The following KIF1B variants were observed in gnomAD, a reference collection of about 807,000 sequenced individuals.
KIF1B encodes the protein kinesin-like protein KIF1B.
Under a neutral mutation model 241.9 loss-of-function variants are expected in KIF1B, and 76 were observed. That is an observed-to-expected ratio of 0.31 (90% CI 0.26 to 0.38). The LOEUF (loss-of-function observed/expected upper bound fraction) is 0.38, where lower values mean the gene tolerates loss of function less well. KIF1B is among the 10% of genes least tolerant of loss of function. KIF1B has a pLI of 1.00. For missense variants in KIF1B, 1,622 were observed against 2,271.4 expected (o/e 0.71, Z 5.81); for synonymous variants, 750 against 796.7 (o/e 0.94, Z 0.99).
At chr1:10,366,646 G>A (rs1638582684) in intron 43 of KIF1B, among the ~76,000 whole-genome samples, 1 of 152,166 alleles carries the variant, frequency 6.6e-6, no homozygotes, top group South Asian at 2.1e-4. Flanking sequence ...ATGGGAGCAA[G>A]GCAGAAATAT....
chr1:10,226,136 A>G (rs943642640), intron 1 of KIF1B, among the ~76,000 whole-genome samples: 20 of 152,204 alleles, frequency 1.3e-4, no homozygotes, highest in Middle Eastern at 3.2e-3. Flanking sequence ...GGTGGTAGAA[A>G]TGGAGAGATT....
At chr1:10,242,515 T>G (rs1215559592) in intron 2 of KIF1B, among the ~76,000 whole-genome samples, 17 of 152,150 alleles carry the variant, frequency 1.1e-4, no homozygotes, top group Admixed American at 1.1e-3. Context: ...AATACGATAT[T>G]ATTAATATAA....
chr1:10,259,488 A>C (rs2102188703), intron 4 of KIF1B, among the ~76,000 whole-genome samples: 1 of 144,230 alleles, frequency 6.9e-6, no homozygotes, highest in East Asian at 2.0e-4. Flanking sequence ...CTCATTTTTA[A>C]ATTAAAAAAA....
intron 11 of KIF1B, among the ~76,000 whole-genome samples, chr1:10,275,990 C>G (rs1315269034): frequency 1.3e-5 from 2 of 151,606 alleles, no homozygotes; most frequent in African/African-American, 4.8e-5. Context: ...ACTGCAGCCT[C>G]CGCCTCCTGG....
chr1:10,293,047 C>T (rs1650081942), intron 17 of KIF1B, among the ~76,000 whole-genome samples: 1 of 148,746 alleles, frequency 6.7e-6, no homozygotes, highest in Admixed American at 6.7e-5. Context: ...GTTTTCGCTA[C>T]AATTCTTCTG....
rs529387044 is a variant in KIF1B at position 10,252,819 on chromosome 1, A to C, written c.107-3428A>C. Among the ~76,000 whole-genome samples, 300 of 151,882 alleles carry C rather than the reference A, an allele frequency of 2.0e-3. 1 individual carries two copies. Among genetic ancestry groups the C allele is most frequent in the Non-Finnish European group, 2.8e-3 (190 of 67,946 alleles). ...ACTGCAACCTCCACCTCTCGGGTTC[A>C]AGCAATTCTCCTGTCTTACTTAGCC... On this transcript the variant is annotated intron_variant, in intron 2 of 48. Transcript: ENST00000676179.
At chr1:10,296,464 A>G in intron 19 of KIF1B, 118 bp from the exon 20 acceptor site, 1 of 841,770 alleles carries the variant, frequency 1.2e-6, no homozygotes, top group South Asian at 1.4e-5. Context: ...AACTTCAGCC[A>G]CTTGATTGAT....
intron 2 of KIF1B, among the ~76,000 whole-genome samples, chr1:10,247,438 T>C (rs910587456): frequency 6.6e-6 from 1 of 152,218 alleles, no homozygotes; most frequent in Non-Finnish European, 1.5e-5. Flanking sequence ...CTTTCCAACA[T>C]TATGCTATTT....
intron 22 of KIF1B, among the ~76,000 whole-genome samples, chr1:10,312,321 A>G (rs983110053): frequency 6.6e-6 from 1 of 151,268 alleles, no homozygotes; most frequent in Non-Finnish European, 1.5e-5. Flanking sequence ...ATCTCTTTTC[A>G]CCACCTTTGC....
At chr1:10,375,786 GTT>G (rs201620952) in intron 48 of KIF1B, among the ~76,000 whole-genome samples, 3,796 of 69,506 alleles carry the variant, frequency 0.055, 94 homozygotes, top group African/African-American at 0.15. Flanking sequence ...TTCTTTTCTT[GTT>G]TTTTTTTTTT....
At chr1:10,304,618 C>A (rs1046649783) in intron 22 of KIF1B, 1 of 1,613,902 alleles carries the variant, frequency 6.2e-7, no homozygotes, top group Non-Finnish European at 8.5e-7. Flanking sequence ...AGCACCCAAT[C>A]TCAAAGCTGG....
At chr1:10,239,330 T>C (rs978083586) in intron 2 of KIF1B, among the ~76,000 whole-genome samples, 2 of 152,188 alleles carry the variant, frequency 1.3e-5, no homozygotes, top group Non-Finnish European at 2.9e-5. Context: ...CATATTAAGA[T>C]TTTTATGTAA....
chr1:10,264,091 G>T (rs751291663), intron 5 of KIF1B, among the ~76,000 whole-genome samples: 15 of 152,002 alleles, frequency 9.9e-5, no homozygotes, highest in Non-Finnish European at 1.8e-4. Context: ...ATTTAATATT[G>T]TATCTTGCCC....
intron 27 of KIF1B, among the ~76,000 whole-genome samples, chr1:10,332,620 A>G (rs1168995670): frequency 7.4e-6 from 1 of 134,818 alleles, no homozygotes; most frequent in African/African-American, 2.8e-5. Flanking sequence ...GGTTCACGCC[A>G]TTCTCCTGCC....
chr1:10,326,638 C>G lies in KIF1B; in HGVS notation c.2924+279C>G, dbSNP rs564445123. The stretch of plus-strand genomic sequence containing the variant: ...TCTTAAATTGCCCAGTAATTTTGTT[C>G]TGAAGAAGGGAACCCCAAAGGAGAA... On this transcript the variant is annotated intron_variant, in intron 27 of 48. Transcript: ENST00000676179. This position sits in a 1 kb window ranked among gnomAD's most constrained non-coding sequence, Gnocchi z 5.2. Among the ~76,000 whole-genome samples the G allele has an allele frequency of 4.6e-5, 7 of 152,212 alleles. 1 individual carries two copies. In the South Asian group the frequency reaches 1.5e-3, roughly 32 times the overall value.
At chr1:10,361,648 T>G in intron 39 of KIF1B, 44 bp from the exon 40 acceptor site, 1 of 1,611,036 alleles carries the variant, frequency 6.2e-7, no homozygotes. Context: ...CTAGTCACAG[T>G]ACTCTGCCTG....
At chr1:10,266,403 A>G (rs1334856025) in intron 5 of KIF1B, among the ~76,000 whole-genome samples, 3 of 152,220 alleles carry the variant, frequency 2.0e-5, no homozygotes, top group Non-Finnish European at 2.9e-5. Context: ...AGCTTAATGC[A>G]TTAATCACCA....
At chr1:10,361,118 C>A in intron 39 of KIF1B, 75 bp downstream of exon 39, 2 of 951,364 alleles carry the variant, frequency 2.1e-6, no homozygotes, top group South Asian at 1.3e-5. Context: ...AGGAAGTGGT[C>A]AGCGAAGATT....
chr1:10,243,687 AG>A (rs1454570859), intron 2 of KIF1B, among the ~76,000 whole-genome samples: 1 of 152,244 alleles, frequency 6.6e-6, no homozygotes, highest in African/African-American at 2.4e-5. Context: ...TTACTATTGG[AG>A]AGCATATCAC....
Sources: gnomAD v4.1 joint callset for allele counts (sites outside exome capture counted in the v4.1 genomes callset) on GRCh38, gnomAD v4.1.1 for gene constraint, Gnocchi (gnomAD v3.1) non-coding constraint, MANE v1.5 for transcripts, NCBI Gene and HGNC (gene_info 2026-07-23, HGNC 2026-07-21) for gene names.